GRAMD1B: variants seen among roughly 807,000 people sequenced by gnomAD.
GRAMD1B encodes the protein protein Aster-B.
In GRAMD1B, 37 loss-of-function variants were observed where a neutral mutation model predicts 99.7. The ratio of observed to expected loss-of-function variants is 0.37; its 90% CI spans 0.29 to 0.49. The LOEUF (loss-of-function observed/expected upper bound fraction) is 0.49, where lower values mean the gene tolerates loss of function less well. Among genes scored for constraint, GRAMD1B ranks in the 20% least tolerant of loss-of-function variants. GRAMD1B has a pLI of 0.98. For synonymous variants in GRAMD1B, 427 were observed against 387.6 expected, an observed-to-expected ratio of 1.10 and a Z score of -1.19; for missense variants, 888 against 1,009.2, an observed-to-expected ratio of 0.88 and a Z score of 1.63.
chr11:123,553,862 A>G (rs1214474494), intron 2 of GRAMD1B, among the ~76,000 whole-genome samples: 3 of 152,210 alleles, frequency 2.0e-5, no homozygotes, highest in Admixed American at 2.0e-4. Flanking sequence ...TGGCCAGTGT[A>G]TACCAACTCG....
intron 2 of GRAMD1B, among the ~76,000 whole-genome samples, chr11:123,482,080 T>C (rs1211207208): frequency 1.3e-5 from 2 of 152,026 alleles, no homozygotes; most frequent in Admixed American, 1.3e-4. Context: ...GGAAATGTGA[T>C]TTTTTAATTT....
In GRAMD1B at chr11:123,625,897, A is replaced by G. The variant is rs1955472884; in HGVS notation, c.*3302A>G. 6.9e-6 allele frequency: 1 copy of G among 145,146 alleles called. No individual in the cohort carries two copies. Among genetic ancestry groups the G allele is most frequent in the African/African-American group, 2.6e-5 (1 of 39,026 alleles). The allele number at this position is 145,146 out of a possible 1,614,324, so 9.0% of individuals were successfully genotyped here. On this transcript the variant is annotated 3_prime_UTR_variant, in exon 20 of 20. Coordinates refer to ENST00000635736, the MANE Select transcript of GRAMD1B (RefSeq NM_001387025.1). ...AGGAGACCCAGGGTGATTAAAATTT[A>G]TTCTTTAGGTGGCTAGGAGGGCTGG...
chr11:123,377,875 C>T (rs1010673485), intron 1 of GRAMD1B, among the ~76,000 whole-genome samples: 2 of 152,226 alleles, frequency 1.3e-5, no homozygotes, highest in African/African-American at 4.8e-5. Context: ...CACCACCATG[C>T]GCTTCCAGCT....
chr11:123,432,390 CT>C (rs1340757095), intron 1 of GRAMD1B, among the ~76,000 whole-genome samples: 1 of 152,054 alleles, frequency 6.6e-6, no homozygotes, highest in Non-Finnish European at 1.5e-5. Context: ...AACTCCATTT[CT>C]GTTAAAAGTA....
intron 1 of GRAMD1B, among the ~76,000 whole-genome samples, chr11:123,462,890 TTAAA>T (rs1221460170): frequency 3.2e-5 from 4 of 123,104 alleles, no homozygotes; most frequent in African/African-American, 9.6e-5. Context: ...AAAAAATAAA[TTAAA>T]AAAAAAAAAA....
intron 2 of GRAMD1B, among the ~76,000 whole-genome samples, chr11:123,514,425 A>C (rs557864027): frequency 6.6e-6 from 1 of 152,310 alleles, no homozygotes; most frequent in East Asian, 1.9e-4. Flanking sequence ...TTTGTCCATG[A>C]GTTCACCATC....
intron 1 of GRAMD1B, among the ~76,000 whole-genome samples, chr11:123,443,292 G>C (rs1949492986): frequency 6.6e-6 from 1 of 152,156 alleles, no homozygotes; most frequent in South Asian, 2.1e-4. Flanking sequence ...CATAGGTGTA[G>C]ATGAAAAAAG....
intron 1 of GRAMD1B, among the ~76,000 whole-genome samples, chr11:123,379,408 T>TAA (rs111696411): frequency 6.7e-6 from 1 of 148,650 alleles, no homozygotes; most frequent in African/African-American, 2.5e-5. Flanking sequence ...TGAGATATCT[T>TAA]AAAAAAAAAA....
intron 2 of GRAMD1B, among the ~76,000 whole-genome samples, chr11:123,556,812 T>G (rs746938696): frequency 2.6e-5 from 4 of 152,240 alleles, no homozygotes; most frequent in East Asian, 1.9e-4. Context: ...GATTGCAGCA[T>G]GTACCTGCTC....
chr11:123,404,358 A>G (rs1226716722), intron 1 of GRAMD1B, among the ~76,000 whole-genome samples: 3 of 152,220 alleles, frequency 2.0e-5, no homozygotes. Flanking sequence ...CTCTTCAGCA[A>G]GTATCTGATT....
intron 2 of GRAMD1B, among the ~76,000 whole-genome samples, chr11:123,491,005 CT>C (rs1201611010): frequency 6.6e-6 from 1 of 152,146 alleles, no homozygotes; most frequent in Non-Finnish European, 1.5e-5. Flanking sequence ...AATTCTGGGA[CT>C]TTTTTTGTGT....
intron 14 of GRAMD1B, among the ~76,000 whole-genome samples, chr11:123,612,556 G>T (rs1953734163): frequency 6.6e-6 from 1 of 152,152 alleles, no homozygotes; most frequent in South Asian, 2.1e-4. Context: ...ATATCCTACG[G>T]CTCAGTTTTC....
chr11:123,485,541 A>G (rs1435649845), intron 2 of GRAMD1B, among the ~76,000 whole-genome samples: 1 of 152,124 alleles, frequency 6.6e-6, no homozygotes, highest in Non-Finnish European at 1.5e-5. Context: ...TGTGACATAC[A>G]TTTGCTGAGT....
chr11:123,619,483 G>C, intron 19 of GRAMD1B: 1 of 1,265,130 alleles, frequency 7.9e-7, no homozygotes. Flanking sequence ...TTAGGTGGAA[G>C]GAGAACTCTT....
chr11:123,361,319 G>A (rs1946140527), intron 1 of GRAMD1B, among the ~76,000 whole-genome samples: 2 of 152,186 alleles, frequency 1.3e-5, no homozygotes, highest in African/African-American at 4.8e-5. Context: ...TTTCCACTGT[G>A]CTGCTCCAAC....
At chr11:123,466,745 T>C (rs1167363724) in intron 1 of GRAMD1B, among the ~76,000 whole-genome samples, 2 of 152,220 alleles carry the variant, frequency 1.3e-5, no homozygotes, top group Non-Finnish European at 2.9e-5. Flanking sequence ...TTTGACCAAT[T>C]CTTACAAACT....
At chr11:123,560,164 CG>C (rs1946573784) in intron 2 of GRAMD1B, 20 of 997,088 alleles carry the variant, frequency 2.0e-5, no homozygotes, top group Non-Finnish European at 2.3e-5. Context: ...TTATGTAAAC[CG>C]GCAGGCGACG....
intron 1 of GRAMD1B, among the ~76,000 whole-genome samples, chr11:123,424,213 T>A (rs1314902237): frequency 6.8e-6 from 1 of 148,056 alleles, no homozygotes; most frequent in East Asian, 2.0e-4. Flanking sequence ...CCAGAGTTGA[T>A]GCTTCTCAAA....
chr11:123,603,256 T>C (rs1952216223), intron 8 of GRAMD1B, among the ~76,000 whole-genome samples, 170 bp from the exon 9 acceptor site: 1 of 152,222 alleles, frequency 6.6e-6, no homozygotes, highest in Non-Finnish European at 1.5e-5. Context: ...AGAAGACTGG[T>C]GTCCTGCTGA....
Sources: gnomAD v4.1 joint callset for allele counts (sites outside exome capture counted in the v4.1 genomes callset) on GRCh38, gnomAD v4.1.1 for gene constraint, MANE v1.5 for transcripts, NCBI Gene and HGNC (gene_info 2026-07-23, HGNC 2026-07-21) for gene names.